The following SLC5A12 variants were observed in gnomAD, a reference collection of about 807,000 sequenced individuals.
SLC5A12 encodes the protein solute carrier family 5 member 12, also known as sodium-coupled monocarboxylate transporter 2.
Under a neutral mutation model 72.7 loss-of-function variants are expected in SLC5A12, and 46 were observed. The observed-to-expected ratio is 0.63, with a 90% CI of 0.50 to 0.81. SLC5A12 has a LOEUF of 0.81. SLC5A12 is among the 30% of genes least tolerant of loss of function. The pLI is 0.00. For missense variants in SLC5A12, 683 were observed against 740.7 expected, an observed-to-expected ratio of 0.92 and a Z score of 0.90; for synonymous variants, 275 against 264.4, an observed-to-expected ratio of 1.04 and a Z score of -0.39.
Position 26,681,117 on chromosome 11 carries a change from C to T in SLC5A12, c.1413G>A (p.Leu471=), listed in dbSNP as rs10734383. Reference sequence around the variant, plus strand: ...TTGATTTGATACATTGGTCTGTTGACAGAGGCAAAGGCCATGTCTTAGAGG... The same window carrying T: ...TTGATTTGATACATTGGTCTGTTGATAGAGGCAAAGGCCATGTCTTAGAGG... ...APASKTWPLP[L]STDQCIKSNV... is the part of the protein sequence containing the mutation. The change falls in exon 12 of 15, where the codon CTG becomes CTA. Residue 471 remains leucine (L), a synonymous_variant. Coordinates refer to ENST00000396005, the MANE Select transcript of SLC5A12 (RefSeq NM_178498.4). 1,608,598 of 1,611,086 alleles carry T rather than the reference C, an allele frequency of 1. 803,100 individuals are homozygous for T. The highest frequency in any genetic ancestry group is 1 in the East Asian group (44,683 of 44,684).
At chr11:26,722,726 G>C (rs1440963319), upstream of SLC5A12, among the ~76,000 whole-genome samples, 1 of 152,054 alleles carries the variant, frequency 6.6e-6, no homozygotes, top group African/African-American at 2.4e-5. Context: ...TAACAATCCA[G>C]TTATAAATTC....
intron 13 of SLC5A12, among the ~76,000 whole-genome samples, chr11:26,678,120 T>C (rs1483681922): frequency 4.6e-5 from 7 of 152,074 alleles, no homozygotes; most frequent in Non-Finnish European, 7.4e-5. Context: ...AAGGACAACA[T>C]AGGCAAAAAC....
At chr11:26,687,047 C>T (rs886443352) in intron 9 of SLC5A12, among the ~76,000 whole-genome samples, 1 of 151,938 alleles carries the variant, frequency 6.6e-6, no homozygotes, top group African/African-American at 2.4e-5. Flanking sequence ...CCCTTTGGCG[C>T]TTTTTTTTAT....
chr11:26,719,837 G>A (rs1383429364), intron 1 of SLC5A12, among the ~76,000 whole-genome samples: 1 of 152,012 alleles, frequency 6.6e-6, no homozygotes, highest in African/African-American at 2.4e-5. Flanking sequence ...ATTTGTTTTT[G>A]TAGGACAGGA....
chr11:26,692,012 A>T (rs1435360501), intron 9 of SLC5A12: 1 of 155,466 alleles, frequency 6.4e-6, no homozygotes, highest in Non-Finnish European at 1.4e-5. Flanking sequence ...GATTGATGTG[A>T]TTAGTTTGCA....
chr11:26,721,582 C>T lies in SLC5A12; in HGVS notation c.133G>A (p.Gly45Arg), dbSNP rs1855481856. Residue 45 changes from glycine (G) to arginine (R), a missense_variant, in exon 1 of 15, where the codon GGA (glycine) becomes AGA (arginine). Gly to Arg is a moderately radical substitution (Grantham distance 125, BLOSUM62 -2). Coordinates refer to ENST00000396005, the MANE Select transcript of SLC5A12 (RefSeq NM_178498.4). The part of the protein sequence containing the change: ...KATSREFLVG[G>R]RQMSFGPVGL... ...ACAGGGCCAAAGCTCATTTGCCTTC[C>T]CCCAACCAGGAACTCTCGGGAAGTT... is the stretch of plus-strand genomic sequence containing the variant. 3 of 1,614,002 alleles carry T rather than the reference C, an allele frequency of 1.9e-6. No individual in the cohort carries two copies.
At chr11:26,671,953 A>G (rs1854153703) in intron 14 of SLC5A12, among the ~76,000 whole-genome samples, 1 of 152,168 alleles carries the variant, frequency 6.6e-6, no homozygotes, top group African/African-American at 2.4e-5. Flanking sequence ...TCTCAAAAGT[A>G]TAGATTGTTC....
chr11:26,681,274 A>T, intron 11 of SLC5A12, 53 bp from the exon 12 acceptor site: 1 of 1,434,128 alleles, frequency 7.0e-7, no homozygotes, highest in Non-Finnish European at 9.3e-7. Context: ...TGTCTATGGA[A>T]AGAATAATGA....
At position 26,712,627 on chromosome 11, in the gene SLC5A12, C is replaced by G. The variant is rs1333325259; in HGVS notation, c.405+14G>C. 2 of 1,518,690 alleles carry G rather than the reference C, an allele frequency of 1.3e-6. No homozygotes were observed. The highest frequency in any genetic ancestry group is 2.6e-5 in the South Asian group (2 of 76,796). The allele number at this position is 1,518,690 out of a possible 1,614,324, so 94.1% of individuals were successfully genotyped here. On this transcript the variant is annotated intron_variant, in intron 2 of 14. Coordinates refer to ENST00000396005, the MANE Select transcript of SLC5A12 (RefSeq NM_178498.4). ...CTCACAGTTTCCACATCTGCAGCAG[C>G]CATGACCACTTACCGTCTGTACAAT... is the stretch of plus-strand genomic sequence containing the variant.
At chr11:26,696,892 C>G (rs10835059) in intron 8 of SLC5A12, among the ~76,000 whole-genome samples, 50,780 of 151,942 alleles carry the variant, frequency 0.33, 8,639 homozygotes, top group East Asian at 0.44. Flanking sequence ...TGAGTCGGGA[C>G]AGACCAAGGC....
In SLC5A12 at chr11:26,697,220, G is replaced by A. The variant is rs1174488379; in HGVS notation, c.984C>T (p.Ala328=). The part of the protein sequence containing the change: ...LMPYFVMEIF[A]TMPGLPGLFV... ...AAAGTCCTGGCAGTCCTGGCATTGTGGCAAATATCTCCATGACAAAGTACG... is the reference window on the plus strand; with the variant it reads ...AAAGTCCTGGCAGTCCTGGCATTGTAGCAAATATCTCCATGACAAAGTACG... Residue 328 remains alanine, a synonymous_variant, in exon 8 of 15, where the codon GCC becomes GCT. Coordinates refer to ENST00000396005, the MANE Select transcript of SLC5A12 (RefSeq NM_178498.4). 1 of 1,613,416 alleles carries A rather than the reference G, an allele frequency of 6.2e-7. No individual in the cohort carries two copies. Among genetic ancestry groups the A allele is most frequent in the East Asian group, 2.2e-5 (1 of 44,844 alleles).
At chr11:26,696,591 C>G (rs985877049) in intron 8 of SLC5A12, among the ~76,000 whole-genome samples, 1 of 152,212 alleles carries the variant, frequency 6.6e-6, no homozygotes, top group Non-Finnish European at 1.5e-5. Flanking sequence ...TCCACGGTTA[C>G]AAACCTGTAC....
Position 26,693,160 on chromosome 11 carries a change from C to T in SLC5A12, c.1041-559G>A, listed in dbSNP as rs531646077. Among the ~76,000 whole-genome samples the T allele has an allele frequency of 1.6e-4, 24 of 152,228 alleles. No homozygotes were observed. In the South Asian group the frequency reaches 2.7e-3, roughly 17 times the overall value. Reference sequence around the variant, plus strand: ...ATAGTTGTGAAGGAAAATAGCAAGACGCTGTAAGAACATACAGAGACCTAA... The same window carrying T: ...ATAGTTGTGAAGGAAAATAGCAAGATGCTGTAAGAACATACAGAGACCTAA... On this transcript the variant is annotated intron_variant, in intron 8 of 14. Coordinates refer to ENST00000396005, the MANE Select transcript of SLC5A12 (RefSeq NM_178498.4).
At chr11:26,701,795 C>T (rs1353855980) in intron 6 of SLC5A12, among the ~76,000 whole-genome samples, 1 of 152,024 alleles carries the variant, frequency 6.6e-6, no homozygotes, top group Non-Finnish European at 1.5e-5. Flanking sequence ...TATATATATG[C>T]CCATCCATAC....
At chr11:26,703,716 GC>G in intron 5 of SLC5A12, 45 bp from the exon 6 acceptor site, 1 of 1,612,904 alleles carries the variant, frequency 6.2e-7, no homozygotes, top group Non-Finnish European at 8.5e-7. Flanking sequence ...TTCCTTTGAT[GC>G]CTAAGATATT....
In SLC5A12 at chr11:26,673,479, T is replaced by A. The variant is rs776421324; in HGVS notation, c.1630A>T (p.Asn544Tyr). 1.9e-6 allele frequency: 3 copies of A among 1,611,666 alleles called. No homozygotes were observed. The highest frequency in any genetic ancestry group is 2.7e-5 in the African/African-American group (2 of 74,790). The change falls in exon 14 of 15, where the codon AAT (asparagine) becomes TAT (tyrosine). Residue 544 changes from asparagine (N) to tyrosine (Y), a missense_variant. Coordinates refer to ENST00000396005, the MANE Select transcript of SLC5A12 (RefSeq NM_178498.4). ...IQPLLIRPVC[N>Y]LFCFWSKKYK... is the part of the protein sequence containing the mutation. ...TTCTTAGACCAAAAGCAAAATAAATTACAAACTGGTCTAATTAACAGTGGT... is the reference window on the plus strand; with the variant it reads ...TTCTTAGACCAAAAGCAAAATAAATAACAAACTGGTCTAATTAACAGTGGT...
chr11:26,717,721 G>GT (rs1855384567), intron 1 of SLC5A12, among the ~76,000 whole-genome samples: 1 of 152,172 alleles, frequency 6.6e-6, no homozygotes, highest in Non-Finnish European at 1.5e-5. Flanking sequence ...GTCAGGCTGG[G>GT]TGATCTCTCT....
At chr11:26,697,420 A>G (rs1366743743) in intron 7 of SLC5A12, among the ~76,000 whole-genome samples, 168 bp from the exon 8 acceptor site, 1 of 152,180 alleles carries the variant, frequency 6.6e-6, no homozygotes, top group African/African-American at 2.4e-5. Flanking sequence ...CTTGTTTTCA[A>G]TATACGCCAT....
rs1241900467 is a variant in SLC5A12 at position 26,703,440 on chromosome 11, A to G, written c.821+91T>C. The G allele has an allele frequency of 2.9e-6, 4 of 1,371,898 alleles. No homozygotes were observed. The East Asian group carries it at 7.1e-5, about 24-fold the overall frequency. The allele number at this position is 1,371,898 out of a possible 1,614,324, so 85.0% of individuals were successfully genotyped here. On this transcript the variant is annotated intron_variant, in intron 6 of 14. Transcript: ENST00000396005. Reference sequence around the variant, plus strand: ...CACACATACATACACACACACACACACACACACCCCCCAAGAGGAAGTATT... The same window carrying G: ...CACACATACATACACACACACACACGCACACACCCCCCAAGAGGAAGTATT...
Sources: allele counts gnomAD v4.1 joint callset (sites outside exome capture counted in the v4.1 genomes callset), GRCh38; gene constraint gnomAD v4.1.1; transcripts MANE v1.5; gene names NCBI Gene and HGNC (gene_info 2026-07-23, HGNC 2026-07-21).